Variants in GPC6 observed in about 807,000 individuals in gnomAD.
GPC6 encodes glypican 6.
GPC6 carries 14 observed loss-of-function variants against 55.2 expected under a neutral mutation model. The observed-to-expected ratio is 0.25, with a 90% CI of 0.17 to 0.40. The LOEUF (loss-of-function observed/expected upper bound fraction) is 0.40, where lower values mean the gene tolerates loss of function less well. Ranked by LOEUF, GPC6 falls within the 10% of genes least tolerant of loss-of-function variation. The pLI is 1.00. For synonymous variants in GPC6, 278 were observed against 259.6 expected (o/e 1.07, Z -0.68); for missense variants, 641 against 708.5 (o/e 0.90, Z 1.08).
intron 1 of GPC6, among the ~76,000 whole-genome samples, chr13:93,512,689 A>C (rs1185950980): frequency 6.6e-6 from 1 of 151,892 alleles, no homozygotes; most frequent in Non-Finnish European, 1.5e-5. Context: ...GAGTTGGGAA[A>C]AATTTGGTTA....
chr13:93,573,463 T>C (rs1415542614), intron 2 of GPC6, among the ~76,000 whole-genome samples: 3 of 151,982 alleles, frequency 2.0e-5, no homozygotes, highest in Non-Finnish European at 2.9e-5. Flanking sequence ...TGGATTTTAA[T>C]ATCTGGGAAA....
At chr13:93,428,595 G>A (rs1240034711) in intron 1 of GPC6, among the ~76,000 whole-genome samples, 2 of 152,102 alleles carry the variant, frequency 1.3e-5, no homozygotes, top group African/African-American at 4.8e-5. Context: ...CTATCAATGT[G>A]TAATGATTAT....
chr13:93,668,161 C>T (rs1307875177), intron 2 of GPC6, among the ~76,000 whole-genome samples: 1 of 152,142 alleles, frequency 6.6e-6, no homozygotes, highest in African/African-American at 2.4e-5. Flanking sequence ...GAAATTCAGT[C>T]ACTTATGCTT....
intron 4 of GPC6, 31 bp from the exon 5 acceptor site, chr13:94,286,318 G>A (rs1462950487): frequency 6.2e-7 from 1 of 1,612,606 alleles, no homozygotes; most frequent in Non-Finnish European, 8.5e-7. Flanking sequence ...CTCCCAGTTT[G>A]CAAATAAATC....
intron 3 of GPC6, among the ~76,000 whole-genome samples, chr13:93,998,982 C>CT: frequency 6.6e-6 from 1 of 152,134 alleles, no homozygotes; most frequent in Non-Finnish European, 1.5e-5. Context: ...ACTTCCTCAA[C>CT]TCCCAACACT....
At chr13:94,177,475 C>T (rs916833334) in intron 4 of GPC6, among the ~76,000 whole-genome samples, 2 of 151,964 alleles carry the variant, frequency 1.3e-5, no homozygotes, top group Admixed American at 6.6e-5. Flanking sequence ...TTTCAACAGT[C>T]TTGAACTAAC....
chr13:93,733,698 A>G (rs1883905457), intron 2 of GPC6, among the ~76,000 whole-genome samples: 2 of 152,188 alleles, frequency 1.3e-5, no homozygotes, highest in South Asian at 4.2e-4. Flanking sequence ...TATTTTACTA[A>G]TGAGAAATAT....
intron 1 of GPC6, among the ~76,000 whole-genome samples, chr13:93,340,748 T>C (rs567830855): frequency 2.6e-4 from 40 of 152,262 alleles, no homozygotes; most frequent in African/African-American, 8.2e-4. Flanking sequence ...TTATGGACCA[T>C]AGCGAAGAAG....
At chr13:93,431,706 C>G (rs2762123) in intron 1 of GPC6, among the ~76,000 whole-genome samples, 48,190 of 151,782 alleles carry the variant, frequency 0.32, 7,752 homozygotes, top group Non-Finnish European at 0.36. Context: ...ATACTAGGAG[C>G]CTGGATATTA....
At chr13:93,314,754 T>C (rs71432017) in intron 1 of GPC6, among the ~76,000 whole-genome samples, 86,641 of 149,356 alleles carry the variant, frequency 0.58, 24,934 homozygotes, top group East Asian at 0.72. Context: ...TGTGTGTGTG[T>C]GTGCACGCAT....
intron 2 of GPC6, 49 bp from the exon 3 acceptor site, chr13:93,830,105 G>A: frequency 2.0e-6 from 3 of 1,481,928 alleles, no homozygotes; most frequent in Non-Finnish European, 2.8e-6. Flanking sequence ...GGGTGCCTTG[G>A]GCTTTCTAGA....
intron 4 of GPC6, among the ~76,000 whole-genome samples, chr13:94,046,679 C>A (rs757501249): frequency 1.4e-4 from 22 of 152,050 alleles, no homozygotes; most frequent in Non-Finnish European, 2.5e-4. Context: ...ATCTCATTTT[C>A]CACTTTTCTG....
chr13:93,221,701 T>C, the GPC6 span, among the ~76,000 whole-genome samples: 2 of 152,182 alleles, frequency 1.3e-5, no homozygotes, highest in African/African-American at 2.4e-5. Context: ...CTTTTCTTTC[T>C]CTGTAACTCA....
chr13:93,378,395 C>A (rs148002251), intron 1 of GPC6, among the ~76,000 whole-genome samples: 12 of 152,250 alleles, frequency 7.9e-5, no homozygotes, highest in African/African-American at 2.9e-4. Flanking sequence ...CACTGGTTGG[C>A]CTTTGCTCTG....
chr13:93,959,641 C>A (rs1406862322), intron 3 of GPC6, among the ~76,000 whole-genome samples: 2 of 152,096 alleles, frequency 1.3e-5, no homozygotes, highest in East Asian at 3.9e-4. Flanking sequence ...TATCTCTAGA[C>A]CCTCTTAGTT....
intron 4 of GPC6, among the ~76,000 whole-genome samples, chr13:94,079,984 T>TTA (rs1885049504): frequency 6.6e-6 from 1 of 152,232 alleles, no homozygotes. Flanking sequence ...ATGGTTTTTG[T>TTA]TATTTTAATG....
intron 6 of GPC6, among the ~76,000 whole-genome samples, chr13:94,341,931 G>T (rs1878061862): frequency 6.6e-6 from 1 of 152,146 alleles, no homozygotes; most frequent in Non-Finnish European, 1.5e-5. Context: ...GAAATATCTG[G>T]GAATTAGTAA....
intron 3 of GPC6, among the ~76,000 whole-genome samples, chr13:93,960,109 G>A (rs1258550172): frequency 1.3e-5 from 2 of 152,134 alleles, no homozygotes; most frequent in African/African-American, 2.4e-5. Flanking sequence ...CTTCAACTTC[G>A]AGCAACACGT....
intron 3 of GPC6, among the ~76,000 whole-genome samples, chr13:93,849,848 T>C (rs962506782): frequency 1.3e-5 from 2 of 152,056 alleles, no homozygotes. Flanking sequence ...TGTACCAAAA[T>C]GCTAAAATGA....
Sources: allele counts gnomAD v4.1 joint callset (sites outside exome capture counted in the v4.1 genomes callset), GRCh38; gene constraint gnomAD v4.1.1; transcripts MANE v1.5; gene names NCBI Gene and HGNC (gene_info 2026-07-23, HGNC 2026-07-21).